Variants in NCOR2 observed in about 807,000 individuals in gnomAD.
NCOR2 encodes CTG repeat protein 26.
A neutral mutation model predicts 262.9 loss-of-function variants in NCOR2; 81 were observed. The observed-to-expected ratio is 0.31, with a 90% CI of 0.26 to 0.37. NCOR2 has a LOEUF of 0.37. Ranked by LOEUF, NCOR2 falls within the 10% of genes least tolerant of loss-of-function variation. The pLI is 1.00. For missense variants in NCOR2, 3,385 were observed against 3,621.4 expected, an observed-to-expected ratio of 0.93 and a Z score of 1.68; for synonymous variants, 1,659 against 1,559.3, an observed-to-expected ratio of 1.06 and a Z score of -1.51.
chr12:124,372,279 C>G (rs1241596979), exon 20 of NCOR2: 2 of 1,560,306 alleles, frequency 1.3e-6, no homozygotes, highest in Admixed American at 3.7e-5. Context: ...CCACTGCCAG[C>G]TCCTCAGCCG....
intron 20 of NCOR2, among the ~76,000 whole-genome samples, chr12:124,371,077 C>G (rs1357502669): frequency 1.3e-5 from 2 of 152,194 alleles, no homozygotes; most frequent in African/African-American, 2.4e-5. Context: ...CAGCAAATCC[C>G]CCACATGGTT....
In NCOR2 at chr12:124,520,298, C is replaced by T. The variant is rs372048926; in HGVS notation, c.-118+15267G>A. ...GCCCAAAGATCCAGCACCATCTTCC[C>T]GCCCAGACCGTCGCCAAGACCAGGC... On this transcript the variant is annotated intron_variant, in intron 1 of 46. Coordinates refer to the NCOR2 transcript ENST00000404621. Among the ~76,000 whole-genome samples, 228 of 152,336 alleles carry T rather than the reference C, an allele frequency of 1.5e-3. 1 individual carries two copies. Among genetic ancestry groups the T allele is most frequent in the African/African-American group, 4.4e-3 (181 of 41,566 alleles).
intron 1 of NCOR2, among the ~76,000 whole-genome samples, chr12:124,532,408 T>C (rs2050851756): frequency 6.6e-6 from 1 of 152,136 alleles, no homozygotes; most frequent in African/African-American, 2.4e-5. Flanking sequence ...TGTGCCCCCA[T>C]GGCCCCACTC....
intron 16 of NCOR2, among the ~76,000 whole-genome samples, chr12:124,391,672 C>A (rs2041315005): frequency 1.3e-5 from 2 of 152,184 alleles, no homozygotes; most frequent in Admixed American, 1.3e-4. Flanking sequence ...CTTTTCTCTC[C>A]ATCTACTCTT....
chr12:124,505,376 C>G (rs1196221251), intron 1 of NCOR2, among the ~76,000 whole-genome samples: 2 of 152,228 alleles, frequency 1.3e-5, no homozygotes, highest in African/African-American at 4.8e-5. Context: ...GCTGTCTCCC[C>G]CACCAGGCAG....
intron 18 of NCOR2, among the ~76,000 whole-genome samples, chr12:124,377,137 G>A (rs957561431): frequency 2.0e-5 from 3 of 152,336 alleles, no homozygotes; most frequent in South Asian, 2.1e-4. Flanking sequence ...TAACAAAGTT[G>A]AGCCGTGTGT....
At chr12:124,437,641 G>A (rs1480947376) in intron 8 of NCOR2, among the ~76,000 whole-genome samples, 1 of 152,140 alleles carries the variant, frequency 6.6e-6, no homozygotes, top group Non-Finnish European at 1.5e-5. Flanking sequence ...GACAGGTCCC[G>A]TGACCAGGGC....
intron 7 of NCOR2, 130 bp downstream of exon 9, chr12:124,449,685 A>T: frequency 1.1e-6 from 1 of 904,834 alleles, no homozygotes; most frequent in East Asian, 4.6e-5. Context: ...CCCCTCCGGG[A>T]GCACCTGGCC....
At chr12:124,391,337 G>A (rs573552420) in intron 16 of NCOR2, among the ~76,000 whole-genome samples, 20 of 152,114 alleles carry the variant, frequency 1.3e-4, no homozygotes, top group African/African-American at 4.8e-4. Context: ...AGACTCACAG[G>A]CTGCCTGCCA....
chr12:124,564,358 C>A (rs1216554097), intron 1 of NCOR2, among the ~76,000 whole-genome samples: 1 of 152,204 alleles, frequency 6.6e-6, no homozygotes, highest in Non-Finnish European at 1.5e-5. Context: ...GCCCTCCTTG[C>A]CCCTCCCCTG....
exon 23 of NCOR2, chr12:124,356,669 G>A (rs2037980455): frequency 4.1e-6 from 6 of 1,461,890 alleles, no homozygotes; most frequent in Non-Finnish European, 5.4e-6. Flanking sequence ...AAGGCTGAGG[G>A]GTCCGGGGCA....
At chr12:124,429,776 G>A (rs1187372207) in intron 9 of NCOR2, 70 bp from the exon 12 acceptor site, 14 of 1,395,412 alleles carry the variant, frequency 1.0e-5, no homozygotes, top group South Asian at 7.4e-5. Flanking sequence ...CCCCTGTGGC[G>A]CAGCCCTGAG....
At chr12:124,508,069 C>T (rs1171711226) in intron 1 of NCOR2, among the ~76,000 whole-genome samples, 1 of 152,230 alleles carries the variant, frequency 6.6e-6, no homozygotes, top group Non-Finnish European at 1.5e-5. Context: ...CCAGCAGCAG[C>T]GTCCAGGGCG....
intron 35 of NCOR2, 64 bp downstream of exon 37, chr12:124,340,538 C>A: frequency 6.5e-7 from 1 of 1,538,630 alleles, no homozygotes. Flanking sequence ...CTTCTGCCCG[C>A]CCATCCCCCA....
exon 24 of NCOR2, chr12:124,355,509 T>C (rs749926513): frequency 8.7e-6 from 14 of 1,608,162 alleles, no homozygotes; most frequent in Non-Finnish European, 1.2e-5. Context: ...GGGTTGGAGA[T>C]GGTGGGTGGG....
rs541742782 is a variant in NCOR2, at chr12:124,336,247, C to T, written c.6115+506G>A. On this transcript the variant is annotated intron_variant, in intron 38 of 46. Coordinates refer to ENST00000405201, the Ensembl canonical transcript of NCOR2. The stretch of plus-strand genomic sequence containing the variant: ...CCTTGCACCGCCTGCCTCCACTTCC[C>T]CCAGTCCGACAGCATCCAGGCAGCC... 728 of 166,046 alleles carry T rather than the reference C, an allele frequency of 4.4e-3. 3 individuals carry two copies. Among genetic ancestry groups the T allele is most frequent in the Non-Finnish European group, 7.4e-3 (570 of 76,810 alleles). The allele number at this position is 166,046 out of a possible 1,614,324, so 10.3% of individuals were successfully genotyped here. A position where few individuals can be genotyped will look rare whatever the true frequency, so the allele number is the denominator to read the frequency against.
At chr12:124,551,367 A>T (rs184541764) in intron 1 of NCOR2, among the ~76,000 whole-genome samples, 1 of 152,314 alleles carries the variant, frequency 6.6e-6, no homozygotes, top group East Asian at 1.9e-4. Flanking sequence ...GCGCGCACAG[A>T]TCCACGTGTC....
chr12:124,477,961 GA>G (rs1207195482), intron 3 of NCOR2, among the ~76,000 whole-genome samples: 1 of 152,194 alleles, frequency 6.6e-6, no homozygotes, highest in Admixed American at 6.5e-5. Flanking sequence ...CCAGCTCCAG[GA>G]AAAAGCAGGG....
Position 124,432,872 on chromosome 12 carries a change from G to T in NCOR2, c.883-2085C>A, listed in dbSNP as rs1593513827. 6.8e-6 allele frequency among the ~76,000 whole-genome samples: 1 copy of T among 147,456 alleles called. No homozygotes were observed. The highest frequency in any genetic ancestry group is 2.0e-4 in the East Asian group (1 of 4,934). On this transcript the variant is annotated intron_variant, in intron 8 of 46. Transcript: ENST00000405201. The surrounding 1 kb of genome is among the most constrained non-coding windows in gnomAD (Gnocchi z 5.1). ...AGCAAGTGGCGGCGGGGGGCGGGGGGTGGGGGCGGGGAAGGGGACGCAGGG... is the reference window on the plus strand; with the variant it reads ...AGCAAGTGGCGGCGGGGGGCGGGGGTTGGGGGCGGGGAAGGGGACGCAGGG...
Sources: gnomAD v4.1 joint callset for allele counts (sites outside exome capture counted in the v4.1 genomes callset) on GRCh38, gnomAD v4.1.1 for gene constraint, Gnocchi (gnomAD v3.1) non-coding constraint, MANE v1.5 for transcripts, NCBI Gene and HGNC (gene_info 2026-07-23, HGNC 2026-07-21) for gene names.